The following LUZP2 variants were observed in gnomAD, a reference collection of about 807,000 sequenced individuals.
LUZP2 encodes leucine zipper protein 2.
In LUZP2, 52 loss-of-function variants were observed where a neutral mutation model predicts 51.6. The ratio of observed to expected loss-of-function variants is 1.01; its 90% CI spans 0.81 to 1.27. LUZP2 has a LOEUF of 1.27. Among genes scored for constraint, LUZP2 ranks in the 50% most tolerant of loss-of-function variants. The pLI, the probability that LUZP2 is intolerant of heterozygous loss-of-function variation, is 0.00. For synonymous variants in LUZP2, 154 were observed against 137.3 expected, an observed-to-expected ratio of 1.12 and a Z score of -0.85; for missense variants, 436 against 395.4, an observed-to-expected ratio of 1.10 and a Z score of -0.87.
At chr11:25,043,019 C>G (rs969185474) in intron 9 of LUZP2, among the ~76,000 whole-genome samples, 8 of 152,060 alleles carry the variant, frequency 5.3e-5, no homozygotes, top group African/African-American at 1.7e-4. Flanking sequence ...GAAAGTAAAC[C>G]AGAGAACTTG....
intron 5 of LUZP2, among the ~76,000 whole-genome samples, chr11:24,904,524 C>T (rs540923960): frequency 1.4e-3 from 217 of 152,168 alleles, no homozygotes; most frequent in African/African-American, 5.0e-3. Flanking sequence ...ACCTCGTGAT[C>T]CACCCGCCTC....
At chr11:24,770,481 T>A (rs1860364805) in intron 5 of LUZP2, among the ~76,000 whole-genome samples, 2 of 152,198 alleles carry the variant, frequency 1.3e-5, no homozygotes, top group Admixed American at 6.5e-5. Context: ...ATCTGTTTGT[T>A]ATATGGACCA....
intron 3 of LUZP2, among the ~76,000 whole-genome samples, chr11:24,734,191 A>G (rs1220136119): frequency 1.3e-5 from 2 of 151,888 alleles, no homozygotes; most frequent in African/African-American, 4.8e-5. Context: ...GGGAGATCTC[A>G]AGAGTTAAGA....
At chr11:24,817,388 G>T (rs1179943423) in intron 5 of LUZP2, among the ~76,000 whole-genome samples, 1 of 151,900 alleles carries the variant, frequency 6.6e-6, no homozygotes, top group African/African-American at 2.4e-5. Flanking sequence ...GTTGGCTCAT[G>T]GTTGAGTTGG....
At chr11:25,016,163 G>A (rs191687944) in intron 9 of LUZP2, among the ~76,000 whole-genome samples, 11 of 151,980 alleles carry the variant, frequency 7.2e-5, no homozygotes, top group South Asian at 4.2e-4. Context: ...CTCATGATCC[G>A]CCCACTTCGG....
chr11:24,702,271 G>A (rs1016208544), intron 1 of LUZP2, among the ~76,000 whole-genome samples: 1 of 152,104 alleles, frequency 6.6e-6, no homozygotes, highest in Admixed American at 6.5e-5. Context: ...ACAATACATG[G>A]CTTTTTAGAC....
At chr11:25,008,499 C>A (rs1252423064) in intron 9 of LUZP2, among the ~76,000 whole-genome samples, 1 of 152,156 alleles carries the variant, frequency 6.6e-6, no homozygotes, top group Non-Finnish European at 1.5e-5. Context: ...AAGGGCCTAT[C>A]ACGGCTCATT....
At chr11:24,677,506 C>T (rs112533965) in intron 1 of LUZP2, among the ~76,000 whole-genome samples, 2 of 152,142 alleles carry the variant, frequency 1.3e-5, no homozygotes, top group Non-Finnish European at 2.9e-5. Context: ...ATCAGGAATT[C>T]CAAAGCCCCT....
At chr11:24,868,066 A>G (rs1851949378) in intron 5 of LUZP2, among the ~76,000 whole-genome samples, 1 of 152,128 alleles carries the variant, frequency 6.6e-6, no homozygotes, top group African/African-American at 2.4e-5. Context: ...TGAACAAAGC[A>G]TTTCTTATTG....
chr11:25,024,508 C>T (rs961535205), intron 9 of LUZP2, among the ~76,000 whole-genome samples: 2 of 152,052 alleles, frequency 1.3e-5, no homozygotes, highest in African/African-American at 2.4e-5. Flanking sequence ...CAATAACAGA[C>T]AAACAGAGAG....
chr11:25,015,738 C>T (rs1407985887), intron 9 of LUZP2, among the ~76,000 whole-genome samples: 5 of 152,044 alleles, frequency 3.3e-5, no homozygotes, highest in African/African-American at 4.8e-5. Flanking sequence ...TAAACCTTAT[C>T]TCTTGGTTAA....
chr11:25,054,821 A>G (rs569093056), intron 10 of LUZP2, among the ~76,000 whole-genome samples: 1 of 152,188 alleles, frequency 6.6e-6, no homozygotes, highest in East Asian at 1.9e-4. Context: ...TAGCTTTACA[A>G]TCAGTTTTGA....
At chr11:24,986,832 C>A (rs1856200889) in intron 9 of LUZP2, among the ~76,000 whole-genome samples, 1 of 151,348 alleles carries the variant, frequency 6.6e-6, no homozygotes, top group Non-Finnish European at 1.5e-5. Context: ...GAACAGAAAA[C>A]ATATCACCAA....
chr11:25,061,300 C>A (rs1858828974), intron 10 of LUZP2, among the ~76,000 whole-genome samples: 1 of 151,996 alleles, frequency 6.6e-6, no homozygotes, highest in Non-Finnish European at 1.5e-5. Context: ...TTGTTGTTAC[C>A]GTGATTGCTT....
Position 24,791,562 on chromosome 11 carries a change from G to A in LUZP2, c.396+28254G>A, listed in dbSNP as rs1318045650. ...GTTTAAAAGCTTTTTTTCTTTTTTTGAATATCACTACTTGCATGTAAAGCA... is the reference window on the plus strand; with the variant it reads ...GTTTAAAAGCTTTTTTTCTTTTTTTAAATATCACTACTTGCATGTAAAGCA... On this transcript the variant is annotated intron_variant, in intron 5 of 11. Coordinates refer to ENST00000336930, the MANE Select transcript of LUZP2 (RefSeq NM_001009909.4). Among the ~76,000 whole-genome samples the A allele has an allele frequency of 2.6e-5, 4 of 151,278 alleles. No homozygotes were observed. The East Asian group carries it at 5.8e-4, about 22-fold the overall frequency.
intron 1 of LUZP2, among the ~76,000 whole-genome samples, chr11:24,636,832 A>AT (rs1416129824): frequency 2.0e-5 from 3 of 152,018 alleles, no homozygotes; most frequent in African/African-American, 4.8e-5. Flanking sequence ...TAAAAATAAA[A>AT]TTTTTTACAT....
At chr11:24,869,044 C>G (rs1851978031) in intron 5 of LUZP2, among the ~76,000 whole-genome samples, 1 of 152,106 alleles carries the variant, frequency 6.6e-6, no homozygotes, top group Non-Finnish European at 1.5e-5. Flanking sequence ...ACTTACCAGC[C>G]TCAAAGAAGG....
At chr11:24,669,786 G>A (rs111376363) in intron 1 of LUZP2, among the ~76,000 whole-genome samples, 13 of 152,070 alleles carry the variant, frequency 8.5e-5, no homozygotes, top group South Asian at 2.1e-4. Context: ...TAGACTTTTC[G>A]AAGGTGCATT....
chr11:24,768,224 C>T (rs767827819), intron 5 of LUZP2, among the ~76,000 whole-genome samples: 32 of 152,092 alleles, frequency 2.1e-4, no homozygotes, highest in Non-Finnish European at 4.3e-4. Context: ...ACCTCCACCT[C>T]CTGGGTTCAA....
Sources: gnomAD v4.1 joint callset for allele counts (sites outside exome capture counted in the v4.1 genomes callset) on GRCh38, gnomAD v4.1.1 for gene constraint, MANE v1.5 for transcripts, NCBI Gene and HGNC (gene_info 2026-07-23, HGNC 2026-07-21) for gene names.